The following PLCB1 variants were observed in gnomAD, a reference collection of about 807,000 sequenced individuals.
The protein encoded by PLCB1 is phospholipase C beta 1, also known as 1-phosphatidylinositol 4,5-bisphosphate phosphodiesterase beta-1.
A neutral mutation model predicts 161.8 loss-of-function variants in PLCB1; 46 were observed. That is an observed-to-expected ratio of 0.28 (90% CI 0.22 to 0.36). The LOEUF is 0.36. Ranked by LOEUF, PLCB1 falls within the 10% of genes least tolerant of loss-of-function variation. PLCB1 has a pLI of 1.00. For missense variants in PLCB1, 1,016 were observed against 1,472.5 expected (o/e 0.69, Z 5.07); for synonymous variants, 517 against 503.7 (o/e 1.03, Z -0.35).
chr20:8,864,496 G>A (rs1987359860), intron 31 of PLCB1, among the ~76,000 whole-genome samples: 1 of 152,174 alleles, frequency 6.6e-6, no homozygotes, highest in African/African-American at 2.4e-5. Context: ...CCTAGCACCT[G>A]TCACAGTGCT....
chr20:8,652,496 A>C (rs955332128), intron 7 of PLCB1: 3 of 152,138 alleles, frequency 2.0e-5, no homozygotes, highest in African/African-American at 7.2e-5. Flanking sequence ...TTTCATTCCT[A>C]CATAACAATG....
chr20:8,432,229 C>T (rs535922003), intron 3 of PLCB1, among the ~76,000 whole-genome samples: 7 of 152,278 alleles, frequency 4.6e-5, no homozygotes, highest in Admixed American at 2.6e-4. Context: ...CCTGCTACAG[C>T]GCTTCCTGCC....
In PLCB1 at chr20:8,765,324, T is replaced by G; in HGVS notation, c.2896T>G (p.Leu966Val). 6.2e-7 allele frequency: 1 copy of G among 1,612,380 alleles called. No individual in the cohort carries two copies. Among genetic ancestry groups the G allele is most frequent in the South Asian group, 1.1e-5 (1 of 90,130 alleles). ...TGACTACTTGAGAAGGAGAGCCGCTTTGGAAAAGTCCGCCAAAAAGGACAG... is the reference window on the plus strand; with the variant it reads ...TGACTACTTGAGAAGGAGAGCCGCTGTGGAAAAGTCCGCCAAAAAGGACAG... ...QNDYLRRRAA[L>V]EKSAKKDSKK... Residue 966 changes from leucine (L) to valine (V), a missense_variant, in exon 26 of 32, where the codon TTG becomes GTG. Physicochemically the swap from Leu to Val is conservative, Grantham distance 32. Transcript: ENST00000338037.
At chr20:8,729,711 G>A (rs1254010746) in intron 18 of PLCB1, 6 of 151,792 alleles carry the variant, frequency 4.0e-5, no homozygotes, top group African/African-American at 1.2e-4. Context: ...TTCACAATTC[G>A]CTAAAAACTT....
intron 19 of PLCB1, 42 bp from the exon 20 acceptor site, chr20:8,736,986 A>G (rs1410081094): frequency 3.3e-6 from 5 of 1,497,718 alleles, no homozygotes; most frequent in East Asian, 2.3e-5. Context: ...TTATTTGCAT[A>G]TCAAAATTCC....
chr20:8,252,560 G>T (rs572028371), intron 2 of PLCB1, among the ~76,000 whole-genome samples: 4 of 152,006 alleles, frequency 2.6e-5, no homozygotes, highest in Non-Finnish European at 4.4e-5. Flanking sequence ...AATACATTTT[G>T]ATGAAAATTT....
chr20:8,378,280 T>C (rs1054873702), intron 3 of PLCB1, among the ~76,000 whole-genome samples: 3 of 152,228 alleles, frequency 2.0e-5, no homozygotes, highest in Admixed American at 2.0e-4. Context: ...AGTATGACTC[T>C]GTTCTTATAT....
intron 31 of PLCB1, among the ~76,000 whole-genome samples, chr20:8,832,834 C>T (rs1220948876): frequency 1.3e-5 from 2 of 152,154 alleles, no homozygotes; most frequent in Admixed American, 6.5e-5. Context: ...TTAGGGAACC[C>T]TGCGAGGGTT....
chr20:8,882,547 G>T lies in PLCB1; in HGVS notation c.*698G>T, dbSNP rs1171588780. The T allele has an allele frequency of 1.3e-5, 2 of 152,694 alleles. No individual in the cohort carries two copies. Among genetic ancestry groups the T allele is most frequent in the Admixed American group, 1.3e-4 (2 of 15,276 alleles). The allele number at this position is 152,694 out of a possible 1,614,324, so 9.5% of individuals were successfully genotyped here. ...CTTAGCAATATGGATTGTACATTTGGCTGCATGAGCAAGTCGGCCGCACAC... is the reference window on the plus strand; with the variant it reads ...CTTAGCAATATGGATTGTACATTTGTCTGCATGAGCAAGTCGGCCGCACAC... On this transcript the variant is annotated 3_prime_UTR_variant, in exon 32 of 32. Transcript: ENST00000338037.
intron 14 of PLCB1, among the ~76,000 whole-genome samples, chr20:8,718,219 A>T (rs917892732): frequency 7.8e-6 from 1 of 127,754 alleles, no homozygotes; most frequent in Non-Finnish European, 1.7e-5. Flanking sequence ...ACTCCGTCTC[A>T]AAAAAAAAAG....
At chr20:8,836,689 C>T (rs1399970368) in intron 31 of PLCB1, among the ~76,000 whole-genome samples, 1 of 152,106 alleles carries the variant, frequency 6.6e-6, no homozygotes, top group African/African-American at 2.4e-5. Context: ...TAATCAACCA[C>T]TTATAAGAAG....
intron 2 of PLCB1, among the ~76,000 whole-genome samples, chr20:8,343,059 CCTT>C (rs1985871177): frequency 6.6e-6 from 1 of 152,188 alleles, no homozygotes; most frequent in Non-Finnish European, 1.5e-5. Context: ...GTCTGCACCT[CCTT>C]CTCATTCCCA....
intron 9 of PLCB1, among the ~76,000 whole-genome samples, chr20:8,669,259 T>C (rs1989888490): frequency 6.6e-6 from 1 of 152,238 alleles, no homozygotes; most frequent in Non-Finnish European, 1.5e-5. Context: ...AAGTTTTGTT[T>C]ATTGACATTG....
At chr20:8,373,640 A>C (rs1342246863) in intron 3 of PLCB1, among the ~76,000 whole-genome samples, 1 of 152,164 alleles carries the variant, frequency 6.6e-6, no homozygotes, top group African/African-American at 2.4e-5. Context: ...GCCTTAACTT[A>C]CTCTTGGTGT....
At chr20:8,844,111 A>T (rs568389947) in intron 31 of PLCB1, among the ~76,000 whole-genome samples, 1 of 152,354 alleles carries the variant, frequency 6.6e-6, no homozygotes, top group African/African-American at 2.4e-5. Flanking sequence ...TATTTCAAAC[A>T]GTCTTCTTCA....
intron 9 of PLCB1, among the ~76,000 whole-genome samples, chr20:8,679,129 C>G (rs993277130): frequency 6.6e-6 from 1 of 152,176 alleles, no homozygotes; most frequent in Non-Finnish European, 1.5e-5. Flanking sequence ...TCATTGGTAA[C>G]CACCAGTAAG....
chr20:8,371,484 C>G, intron 3 of PLCB1, 34 bp downstream of exon 3: 1 of 1,445,368 alleles, frequency 6.9e-7, no homozygotes, highest in Non-Finnish European at 9.7e-7. Flanking sequence ...GCACCAGATG[C>G]TGCCTTGATT....
At chr20:8,147,594 G>T (rs941018360) in intron 1 of PLCB1, among the ~76,000 whole-genome samples, 2 of 152,210 alleles carry the variant, frequency 1.3e-5, no homozygotes, top group African/African-American at 4.8e-5. Context: ...ATTGAAAATA[G>T]ACATTCATAT....
At chr20:8,818,810 A>G (rs770250398) in intron 31 of PLCB1, among the ~76,000 whole-genome samples, 3 of 151,936 alleles carry the variant, frequency 2.0e-5, no homozygotes, top group Non-Finnish European at 4.4e-5. Context: ...GTGTGGTGGC[A>G]TGTGCTTGTA....
Sources: allele counts gnomAD v4.1 joint callset (sites outside exome capture counted in the v4.1 genomes callset), GRCh38; gene constraint gnomAD v4.1.1; transcripts MANE v1.5; gene names NCBI Gene and HGNC (gene_info 2026-07-23, HGNC 2026-07-21).